The following FHIT variants were observed in gnomAD, a reference collection of about 807,000 sequenced individuals.
FHIT encodes bis(5'-adenosyl)-triphosphatase.
Under a neutral mutation model 17.9 loss-of-function variants are expected in FHIT, and 19 were observed. The ratio of observed to expected loss-of-function variants is 1.06; its 90% CI spans 0.74 to 1.56. FHIT has a LOEUF of 1.56. FHIT is among the 40% of genes most tolerant of loss of function. The pLI, the probability that FHIT is intolerant of heterozygous loss-of-function variation, is 0.00. For missense variants in FHIT, 248 were observed against 189.2 expected, an observed-to-expected ratio of 1.31 and a Z score of -1.82; for synonymous variants, 81 against 69.7, an observed-to-expected ratio of 1.16 and a Z score of -0.81.
chr3:60,077,235 T>C (rs558938234), intron 5 of FHIT: 3 of 152,014 alleles, frequency 2.0e-5, no homozygotes, highest in African/African-American at 7.2e-5. Flanking sequence ...ATTTTTAATA[T>C]ATAAACTGAG....
intron 5 of FHIT, among the ~76,000 whole-genome samples, chr3:60,449,522 A>G (rs1029730961): frequency 1.3e-5 from 2 of 152,030 alleles, no homozygotes; most frequent in Admixed American, 6.6e-5. Context: ...TATTGTGCCA[A>G]CATCACAAAC....
In FHIT at chr3:60,470,058, T is replaced by TTCTTTCTTTCTCTCTCTCTCTCTCTCTC. The variant is rs1323971036; in HGVS notation, c.103+66801_103+66802insGAGAGAGAGAGAGAGAGAGAAAGAAAGA. 5.0e-3 allele frequency among the ~76,000 whole-genome samples: 712 copies of TTCTTTCTTTCTCTCTCTCTCTCTCTCTC among 142,960 alleles called. 8 individuals carry two copies. Among genetic ancestry groups the TTCTTTCTTTCTCTCTCTCTCTCTCTCTC allele is most frequent in the African/African-American group, 0.018 (651 of 37,048 alleles). The allele number at this position is 142,960 out of a possible 152,430, so 93.8% of individuals were successfully genotyped here. ...TCTCTCCCCTCTCCTCTCTCTTTCTTTCTCTCTCTCTCTCTCTCTCTCCAG... is the reference window on the plus strand; with the variant it reads ...TCTCTCCCCTCTCCTCTCTCTTTCTTTCTTTCTTTCTCTCTCTCTCTCTCTCTCTCTCTCTCTCTCTCTCTCTCTCCAG... On this transcript the variant is annotated intron_variant, in intron 5 of 9. Coordinates refer to ENST00000492590, the MANE Select transcript of FHIT (RefSeq NM_002012.4).
intron 4 of FHIT, among the ~76,000 whole-genome samples, chr3:60,626,482 A>C (rs2107763166): frequency 6.6e-6 from 1 of 152,234 alleles, no homozygotes; most frequent in South Asian, 2.1e-4. Context: ...TCATAAATGG[A>C]ATTTTCTCAG....
intron 3 of FHIT, among the ~76,000 whole-genome samples, chr3:61,019,093 C>A (rs762882485): frequency 6.6e-6 from 1 of 151,572 alleles, no homozygotes; most frequent in Non-Finnish European, 1.5e-5. Flanking sequence ...GGCTGTCTGG[C>A]CTTCCTTAGG....
chr3:59,816,440 G>A (rs1169947235), intron 8 of FHIT, among the ~76,000 whole-genome samples: 1 of 152,198 alleles, frequency 6.6e-6, no homozygotes, highest in Non-Finnish European at 1.5e-5. Flanking sequence ...GGCATGATTG[G>A]AGATAAAAGA....
chr3:60,950,588 C>T (rs140571528), intron 3 of FHIT, among the ~76,000 whole-genome samples: 11 of 151,442 alleles, frequency 7.3e-5, no homozygotes, highest in African/African-American at 2.7e-4. Context: ...ACGATCTTGG[C>T]TCATTGCAAC....
intron 5 of FHIT, among the ~76,000 whole-genome samples, chr3:60,260,428 G>C (rs1706231894): frequency 6.6e-6 from 1 of 151,592 alleles, no homozygotes; most frequent in African/African-American, 2.4e-5. Flanking sequence ...CTTCCTGCCA[G>C]GTGTAAGCGT....
At chr3:60,286,252 CAACAATCTTT>C (rs1224271113) in intron 5 of FHIT, among the ~76,000 whole-genome samples, 1 of 152,176 alleles carries the variant, frequency 6.6e-6, no homozygotes, top group African/African-American at 2.4e-5. Context: ...AATTATGCCA[CAACAATCTTT>C]GACTATTTTT....
chr3:60,628,575 G>A (rs2039355754), intron 4 of FHIT, among the ~76,000 whole-genome samples: 1 of 152,104 alleles, frequency 6.6e-6, no homozygotes, highest in Non-Finnish European at 1.5e-5. Flanking sequence ...AGGGCCTTTG[G>A]GAGTTAGATC....
chr3:61,207,628 T>C (rs2039291597), intron 1 of FHIT, among the ~76,000 whole-genome samples: 1 of 152,258 alleles, frequency 6.6e-6, no homozygotes, highest in African/African-American at 2.4e-5. Context: ...TAGTATTCTC[T>C]GATGGTAGTT....
intron 8 of FHIT, among the ~76,000 whole-genome samples, chr3:59,858,284 T>C (rs1228076739): frequency 7.8e-6 from 1 of 128,204 alleles, no homozygotes; most frequent in Non-Finnish European, 1.5e-5. Context: ...TGGAGTGCAG[T>C]GGAGCGATCT....
chr3:59,862,528 T>C (rs569454511), intron 8 of FHIT, among the ~76,000 whole-genome samples: 1 of 152,320 alleles, frequency 6.6e-6, no homozygotes, highest in African/African-American at 2.4e-5. Context: ...GCACCTTTTT[T>C]CTTAGCATCC....
intron 8 of FHIT, among the ~76,000 whole-genome samples, chr3:59,880,432 G>A (rs1212911988): frequency 6.6e-6 from 1 of 152,114 alleles, no homozygotes. Flanking sequence ...AACCATGTCT[G>A]TCTGGACCAC....
chr3:60,459,923 C>T (rs1255117546), intron 5 of FHIT, among the ~76,000 whole-genome samples: 1 of 152,126 alleles, frequency 6.6e-6, no homozygotes, highest in Non-Finnish European at 1.5e-5. Flanking sequence ...AACCCAAAAG[C>T]TTCTCTTAAA....
intron 4 of FHIT, among the ~76,000 whole-genome samples, chr3:60,569,864 G>A (rs1453553107): frequency 1.3e-5 from 2 of 149,514 alleles, no homozygotes; most frequent in African/African-American, 4.9e-5. Context: ...TGATTCTCCT[G>A]CCTCATATAT....
chr3:60,409,300 A>G (rs1432745675), intron 5 of FHIT, among the ~76,000 whole-genome samples: 1 of 152,196 alleles, frequency 6.6e-6, no homozygotes, highest in Non-Finnish European at 1.5e-5. Context: ...TCCTGGAGTA[A>G]TCATAACCCT....
At chr3:60,871,173 T>C (rs1179574908) in intron 3 of FHIT, among the ~76,000 whole-genome samples, 1 of 152,150 alleles carries the variant, frequency 6.6e-6, no homozygotes, top group African/African-American at 2.4e-5. Context: ...CCATTTTGTA[T>C]CTTCCTTTTT....
intron 4 of FHIT, among the ~76,000 whole-genome samples, chr3:60,803,238 T>A (rs1701258763): frequency 6.6e-6 from 1 of 152,194 alleles, no homozygotes; most frequent in Admixed American, 6.5e-5. Context: ...GACCAGGGCC[T>A]GGTGTGTGCA....
intron 5 of FHIT, among the ~76,000 whole-genome samples, chr3:60,020,661 G>C (rs1241115945): frequency 6.6e-6 from 1 of 152,194 alleles, no homozygotes; most frequent in Non-Finnish European, 1.5e-5. Flanking sequence ...GACCTCAGCA[G>C]ACCCTGTATA....
Sources: gnomAD v4.1 joint callset for allele counts (sites outside exome capture counted in the v4.1 genomes callset) on GRCh38, gnomAD v4.1.1 for gene constraint, MANE v1.5 for transcripts, NCBI Gene and HGNC (gene_info 2026-07-23, HGNC 2026-07-21) for gene names.